RABGAP1L: variants seen among roughly 807,000 people sequenced by gnomAD.
RABGAP1L encodes the protein RAB GTPase activating protein 1 like.
In RABGAP1L, 63 loss-of-function variants were observed where a neutral mutation model predicts 137.7. That is an observed-to-expected ratio of 0.46 (90% CI 0.37 to 0.56). The LOEUF (loss-of-function observed/expected upper bound fraction) is 0.56, where lower values mean the gene tolerates loss of function less well. Among genes scored for constraint, RABGAP1L ranks in the 20% least tolerant of loss-of-function variants. The pLI is 0.00. For missense variants in RABGAP1L, 1,095 were observed against 1,244.0 expected (o/e 0.88, Z 1.80); for synonymous variants, 431 against 433.7 (o/e 0.99, Z 0.08).
intron 10 of RABGAP1L, among the ~76,000 whole-genome samples, chr1:174,298,315 G>T (rs887651521): frequency 6.6e-6 from 1 of 152,104 alleles, no homozygotes; most frequent in South Asian, 2.1e-4. Flanking sequence ...CATGAAGCAG[G>T]GGGACCTGAG....
chr1:174,367,348 G>A (rs1023152838), intron 11 of RABGAP1L: 2 of 171,826 alleles, frequency 1.2e-5, no homozygotes, highest in African/African-American at 4.8e-5. Flanking sequence ...ACTGCTCCAG[G>A]GTTATCAATA....
At chr1:174,379,157 GGTACCA>G (rs1459214357) in intron 12 of RABGAP1L, among the ~76,000 whole-genome samples, 1 of 148,930 alleles carries the variant, frequency 6.7e-6, no homozygotes, top group African/African-American at 2.5e-5. Context: ...TCTCTGTTTT[GGTACCA>G]GTACCATGCT....
At chr1:174,577,737 A>C (rs1184504582) in intron 13 of RABGAP1L, among the ~76,000 whole-genome samples, 2 of 152,254 alleles carry the variant, frequency 1.3e-5, no homozygotes, top group Non-Finnish European at 2.9e-5. Flanking sequence ...GAGATTTATA[A>C]AATGAAAATG....
chr1:174,740,589 G>A (rs762442231), intron 17 of RABGAP1L, among the ~76,000 whole-genome samples: 16 of 151,986 alleles, frequency 1.1e-4, no homozygotes, highest in Non-Finnish European at 1.9e-4. Flanking sequence ...TCTTTGAGTC[G>A]ATTCCCAGTA....
In RABGAP1L at chr1:174,623,222, C is replaced by A. The variant is rs544362224; in HGVS notation, c.1711-14153C>A. On this transcript the variant is annotated intron_variant, in intron 13 of 25. Coordinates refer to ENST00000681986, the MANE Select transcript of RABGAP1L (RefSeq NM_001366446.1). ...TGTTAATGTCAGAGGAAAAGTTGAA[C>A]AATGATACGTATATCTAAATAGAGA... 2.1e-4 allele frequency among the ~76,000 whole-genome samples: 32 copies of A among 152,208 alleles called. No homozygotes were observed. In the East Asian group the frequency reaches 5.6e-3, roughly 27 times the overall value.
chr1:174,816,543 A>G (rs1690434374), intron 19 of RABGAP1L, among the ~76,000 whole-genome samples: 1 of 152,072 alleles, frequency 6.6e-6, no homozygotes, highest in Admixed American at 6.6e-5. Flanking sequence ...AATACCATTT[A>G]TATTGTATCA....
intron 13 of RABGAP1L, among the ~76,000 whole-genome samples, chr1:174,566,489 G>T (rs552610170): frequency 1.3e-5 from 2 of 152,086 alleles, no homozygotes; most frequent in Non-Finnish European, 2.9e-5. Context: ...GCATAATCCA[G>T]CAACTTATGA....
intron 13 of RABGAP1L, among the ~76,000 whole-genome samples, chr1:174,610,026 G>A (rs946445526): frequency 1.8e-4 from 26 of 146,030 alleles, no homozygotes; most frequent in African/African-American, 6.2e-4. Context: ...AGACATTTTG[G>A]TATGCGTTTT....
At chr1:174,452,358 A>T (rs1407534901) in intron 13 of RABGAP1L, among the ~76,000 whole-genome samples, 1 of 152,114 alleles carries the variant, frequency 6.6e-6, no homozygotes, top group Non-Finnish European at 1.5e-5. Context: ...GGCCCTCATA[A>T]ACTGCTTGGC....
chr1:174,328,011 A>ATATATG (rs1680696198), intron 11 of RABGAP1L, among the ~76,000 whole-genome samples: 1 of 134,874 alleles, frequency 7.4e-6, no homozygotes, highest in African/African-American at 3.0e-5. Context: ...ATATATATAT[A>ATATATG]TATATATATA....
chr1:174,895,252 A>G (rs997107062), intron 19 of RABGAP1L, among the ~76,000 whole-genome samples: 4 of 152,208 alleles, frequency 2.6e-5, no homozygotes, highest in Non-Finnish European at 4.4e-5. Flanking sequence ...AAGTGTTTAA[A>G]ATATTTATAG....
At chr1:174,839,746 G>A (rs985725177) in intron 19 of RABGAP1L, among the ~76,000 whole-genome samples, 1 of 152,162 alleles carries the variant, frequency 6.6e-6, no homozygotes, top group African/African-American at 2.4e-5. Context: ...TCCCAGGAGA[G>A]GGCTCTGTAT....
At chr1:174,955,323 A>G (rs1227675407) in intron 19 of RABGAP1L, among the ~76,000 whole-genome samples, 1 of 152,148 alleles carries the variant, frequency 6.6e-6, no homozygotes. Flanking sequence ...TCAGGTTTGG[A>G]CTGAGTTTGT....
intron 19 of RABGAP1L, among the ~76,000 whole-genome samples, chr1:174,848,832 T>G (rs1558145829): frequency 6.6e-6 from 1 of 151,440 alleles, no homozygotes; most frequent in Non-Finnish European, 1.5e-5. Context: ...CCAGCTTCGC[T>G]GCCGCCTTGC....
chr1:174,455,233 T>C (rs1655914537), intron 13 of RABGAP1L, among the ~76,000 whole-genome samples: 1 of 152,138 alleles, frequency 6.6e-6, no homozygotes, highest in South Asian at 2.1e-4. Flanking sequence ...TACATAATAG[T>C]AGAATTCATG....
intron 13 of RABGAP1L, among the ~76,000 whole-genome samples, chr1:174,550,810 G>C (rs1476798553): frequency 2.1e-5 from 3 of 141,988 alleles, no homozygotes; most frequent in Non-Finnish European, 3.0e-5. Context: ...ACAAGGTCTG[G>C]AGATTGAAAT....
chr1:174,710,551 C>A (rs1002853146), intron 17 of RABGAP1L, among the ~76,000 whole-genome samples: 4 of 152,136 alleles, frequency 2.6e-5, no homozygotes, highest in African/African-American at 7.2e-5. Context: ...TAATTTTCAA[C>A]CAGAATTTCA....
intron 13 of RABGAP1L, among the ~76,000 whole-genome samples, chr1:174,616,297 T>C (rs896861207): frequency 1.3e-5 from 2 of 152,208 alleles, no homozygotes; most frequent in Non-Finnish European, 2.9e-5. Flanking sequence ...TCTTTGGTTA[T>C]GGTACAAATT....
chr1:174,503,350 G>C (rs1439463136), intron 13 of RABGAP1L, among the ~76,000 whole-genome samples: 1 of 152,086 alleles, frequency 6.6e-6, no homozygotes, highest in Admixed American at 6.6e-5. Context: ...TCAGGAAATA[G>C]CAGTTCATCA....
Sources: gnomAD v4.1 joint callset for allele counts (sites outside exome capture counted in the v4.1 genomes callset) on GRCh38, gnomAD v4.1.1 for gene constraint, MANE v1.5 for transcripts, NCBI Gene and HGNC (gene_info 2026-07-23, HGNC 2026-07-21) for gene names.